The following OR2L13 variants were observed in gnomAD, a reference collection of about 807,000 sequenced individuals.
OR2L13 encodes olfactory receptor family 2 subfamily L member 13, also known as olfactory receptor 2L13.
OR2L13 carries 14 observed loss-of-function variants against 15.3 expected under a neutral mutation model. The ratio of observed to expected loss-of-function variants is 0.91; its 90% CI spans 0.60 to 1.43. The LOEUF is 1.43. Among genes scored for constraint, OR2L13 ranks in the 40% most tolerant of loss-of-function variants. The probability of loss-of-function intolerance (pLI) is 0.00; values close to 1 mark genes in which losing one functional copy is unlikely to be tolerated. For synonymous variants in OR2L13, 152 were observed against 142.9 expected (o/e 1.06, Z -0.45); for missense variants, 367 against 387.9 (o/e 0.95, Z 0.45).
chr1:248,071,500 A>G, the OR2L13 span, among the ~76,000 whole-genome samples: 1 of 152,132 alleles, frequency 6.6e-6, no homozygotes, highest in Non-Finnish European at 1.5e-5. Flanking sequence ...GCTGTCTATG[A>G]CAAACCCACA....
At chr1:247,982,024 C>A in the OR2L13 span, among the ~76,000 whole-genome samples, 1 of 152,098 alleles carries the variant, frequency 6.6e-6, no homozygotes, top group South Asian at 2.1e-4. Context: ...ACCGTGTTAG[C>A]CAGGATGGTC....
At chr1:247,958,475 G>A in the OR2L13 span, among the ~76,000 whole-genome samples, 1 of 152,178 alleles carries the variant, frequency 6.6e-6, no homozygotes, top group Non-Finnish European at 1.5e-5. Flanking sequence ...GTGCAGAGCT[G>A]AGTTCAATTG....
At chr1:248,065,001 T>C in the OR2L13 span, among the ~76,000 whole-genome samples, 37 of 152,334 alleles carry the variant, frequency 2.4e-4, no homozygotes, top group African/African-American at 7.9e-4. Context: ...TTGTGGTCAT[T>C]AAGAAGAACA....
At chr1:247,938,934 C>T in the OR2L13 span, 2 of 152,136 alleles carry the variant, frequency 1.3e-5, no homozygotes, top group South Asian at 2.1e-4. Context: ...TTGAACATTC[C>T]GTTGTAGGTC....
At chr1:248,026,017 G>A in the OR2L13 span, among the ~76,000 whole-genome samples, 1 of 151,922 alleles carries the variant, frequency 6.6e-6, no homozygotes, top group Non-Finnish European at 1.5e-5. Flanking sequence ...GTTAATGAGT[G>A]CAGCACACCA....
At chr1:248,056,672 C>CTT in the OR2L13 span, among the ~76,000 whole-genome samples, 2,356 of 135,054 alleles carry the variant, frequency 0.017, 50 homozygotes, top group African/African-American at 0.02. Context: ...TTTGAGGGGG[C>CTT]TTTTTTTTTT....
At chr1:248,058,801 C>A in the OR2L13 span, among the ~76,000 whole-genome samples, 14 of 152,012 alleles carry the variant, frequency 9.2e-5, no homozygotes, top group Non-Finnish European at 1.6e-4. Context: ...AGTCCTTAAG[C>A]ACATATTGTT....
chr1:247,941,807 G>A, the OR2L13 span, among the ~76,000 whole-genome samples: 105 of 152,272 alleles, frequency 6.9e-4, no homozygotes, highest in Non-Finnish European at 1.1e-3. Flanking sequence ...ACAATGTGTG[G>A]CAGGGATACA....
chr1:247,945,399 A>G, the OR2L13 span, among the ~76,000 whole-genome samples: 1 of 151,828 alleles, frequency 6.6e-6, no homozygotes, highest in Non-Finnish European at 1.5e-5. Flanking sequence ...TTTATTTTGT[A>G]TTTGCTGAGG....
the OR2L13 span, among the ~76,000 whole-genome samples, chr1:248,000,704 C>G: frequency 1.3e-5 from 2 of 151,394 alleles, no homozygotes; most frequent in Non-Finnish European, 2.9e-5. Context: ...ACATTGGGAA[C>G]AAGACAGAAA....
the OR2L13 span, chr1:247,990,816 G>C: frequency 1.2e-6 from 2 of 1,601,440 alleles, no homozygotes; most frequent in Admixed American, 1.7e-5. Context: ...TTCCAGCTAT[G>C]TTGACCCTAG....
At chr1:248,093,472 C>T (rs906254758), upstream of OR2L13, among the ~76,000 whole-genome samples, 2 of 152,114 alleles carry the variant, frequency 1.3e-5, no homozygotes, top group South Asian at 2.1e-4. Context: ...GCAAGCAGCA[C>T]CACATTGCAG....
the OR2L13 span, among the ~76,000 whole-genome samples, chr1:247,989,041 G>A: frequency 2.0e-5 from 3 of 152,048 alleles, no homozygotes; most frequent in Admixed American, 6.6e-5. Context: ...GACATGGAAG[G>A]TAAAATGAAC....
At chr1:248,029,168 T>G in the OR2L13 span, 1 of 152,220 alleles carries the variant, frequency 6.6e-6, no homozygotes, top group Non-Finnish European at 1.5e-5. Context: ...CACAACCAGT[T>G]AGAGGTTTCT....
the OR2L13 span, among the ~76,000 whole-genome samples, chr1:248,054,209 T>C: frequency 5.4e-4 from 83 of 152,324 alleles, no homozygotes; most frequent in African/African-American, 1.9e-3. Flanking sequence ...ATTTATTAAA[T>C]AGGGAATCTT....
the OR2L13 span, among the ~76,000 whole-genome samples, chr1:248,020,063 G>C: frequency 1.3e-5 from 2 of 152,146 alleles, no homozygotes; most frequent in Admixed American, 6.5e-5. Context: ...GATTACAGGT[G>C]TGAACAAACG....
the OR2L13 span, among the ~76,000 whole-genome samples, chr1:248,048,830 C>A: frequency 6.6e-6 from 1 of 151,860 alleles, no homozygotes; most frequent in Non-Finnish European, 1.5e-5. Context: ...ATTTGGGAGA[C>A]TTTTAAAACT....
chr1:247,943,410 T>C, the OR2L13 span, among the ~76,000 whole-genome samples: 1 of 152,212 alleles, frequency 6.6e-6, no homozygotes, highest in Admixed American at 6.5e-5. Flanking sequence ...ACAAATGTAC[T>C]CCCTGAATAA....
upstream of OR2L13, among the ~76,000 whole-genome samples, chr1:248,092,077 TG>T (rs1225121430): frequency 6.6e-6 from 1 of 152,198 alleles, no homozygotes; most frequent in Non-Finnish European, 1.5e-5. Context: ...GCTCTTACCT[TG>T]GCTGCTATTG....
Sources: gnomAD v4.1 joint callset for allele counts (sites outside exome capture counted in the v4.1 genomes callset) on GRCh38, gnomAD v4.1.1 for gene constraint, MANE v1.5 for transcripts, NCBI Gene and HGNC (gene_info 2026-07-23, HGNC 2026-07-21) for gene names.